Variants in COX7B2 observed in about 807,000 individuals in gnomAD.
The protein encoded by COX7B2 is cytochrome c oxidase subunit 7B2.
For missense variants in COX7B2, 109 were observed against 95.9 expected (o/e 1.14, Z -0.57); for synonymous variants, 37 against 32.1 (o/e 1.15, Z -0.51).
intron 1 of COX7B2, among the ~76,000 whole-genome samples, chr4:46,852,657 C>T (rs1041536666): frequency 1.3e-5 from 2 of 151,852 alleles, no homozygotes; most frequent in African/African-American, 4.8e-5. Context: ...TGTTTGTAAC[C>T]CCAAAATCAA....
intron 2 of COX7B2, among the ~76,000 whole-genome samples, chr4:46,771,746 A>AC (rs909055500): frequency 5.9e-5 from 9 of 151,868 alleles, no homozygotes; most frequent in African/African-American, 2.2e-4. Flanking sequence ...TCAAAATCCA[A>AC]CCCCCCCACA....
At chr4:46,740,419 C>G (rs886303418) in intron 2 of COX7B2, among the ~76,000 whole-genome samples, 3 of 151,840 alleles carry the variant, frequency 2.0e-5, no homozygotes, top group Non-Finnish European at 4.4e-5. Flanking sequence ...ATTAAGCTCC[C>G]AATATAATGA....
chr4:46,811,415 C>T (rs1411965050), intron 2 of COX7B2, among the ~76,000 whole-genome samples: 2 of 151,496 alleles, frequency 1.3e-5, no homozygotes, highest in African/African-American at 2.4e-5. Context: ...TTGATCTTGT[C>T]TGCTGTTAAA....
At chr4:46,772,709 T>G in intron 2 of COX7B2, among the ~76,000 whole-genome samples, 1 of 152,060 alleles carries the variant, frequency 6.6e-6, no homozygotes, top group East Asian at 1.9e-4. Context: ...GATTCTCATC[T>G]TCACAGAAAT....
intron 1 of COX7B2, among the ~76,000 whole-genome samples, chr4:46,901,335 C>G (rs1398171): frequency 0.51 from 77,875 of 152,044 alleles, 20,167 homozygotes; most frequent in East Asian, 0.66. Flanking sequence ...AGATATTTCC[C>G]ATAAATCATC....
chr4:46,829,551 T>A (rs990068644), intron 2 of COX7B2, among the ~76,000 whole-genome samples: 1 of 152,194 alleles, frequency 6.6e-6, no homozygotes, highest in African/African-American at 2.4e-5. Context: ...AAGACACACA[T>A]GTAGCTATAA....
intron 2 of COX7B2, among the ~76,000 whole-genome samples, chr4:46,773,026 T>C (rs1316461336): frequency 1.3e-5 from 2 of 152,198 alleles, no homozygotes. Flanking sequence ...AGGATTTTCA[T>C]AAAATTAGGT....
intron 2 of COX7B2, among the ~76,000 whole-genome samples, chr4:46,820,538 T>C (rs1023486154): frequency 7.9e-5 from 12 of 152,132 alleles, no homozygotes; most frequent in African/African-American, 1.9e-4. Context: ...GGTTAAGATA[T>C]TACAGGAGGC....
At chr4:46,837,875 G>T (rs1715646287) in intron 2 of COX7B2, among the ~76,000 whole-genome samples, 1 of 151,806 alleles carries the variant, frequency 6.6e-6, no homozygotes, top group Non-Finnish European at 1.5e-5. Context: ...ATTAACCATA[G>T]AACAAATTTA....
rs147914543 is a variant in COX7B2 at position 46,834,633 on chromosome 4, C to T, written c.-50+10327G>A. 7.8e-3 allele frequency among the ~76,000 whole-genome samples: 1,188 copies of T among 152,114 alleles called. 18 individuals carry two copies. The highest frequency in any genetic ancestry group is 0.028 in the African/African-American group (1,144 of 41,542). On this transcript the variant is annotated intron_variant, in intron 2 of 2. Coordinates refer to ENST00000355591, the MANE Select transcript of COX7B2 (RefSeq NM_130902.3). ...GAAGCATTTTACTATAATTATTCCC[C>T]GACACTTTCTTCTTCACTTGATTGT... is the stretch of plus-strand genomic sequence containing the variant.
chr4:46,807,264 T>C (rs907670373), intron 2 of COX7B2, among the ~76,000 whole-genome samples: 2 of 151,940 alleles, frequency 1.3e-5, no homozygotes, highest in African/African-American at 4.8e-5. Flanking sequence ...TCCTAATGGT[T>C]AATTATGTTG....
At chr4:46,762,493 T>A (rs948283148) in intron 2 of COX7B2, among the ~76,000 whole-genome samples, 2 of 141,262 alleles carry the variant, frequency 1.4e-5, no homozygotes, top group African/African-American at 2.6e-5. Flanking sequence ...ATATTGTAAA[T>A]ATATAGTATA....
At chr4:46,849,088 T>C (rs555487572) in intron 1 of COX7B2, among the ~76,000 whole-genome samples, 2 of 152,140 alleles carry the variant, frequency 1.3e-5, no homozygotes, top group African/African-American at 4.8e-5. Context: ...TTTAAATCCA[T>C]AGTTATTTGA....
intron 2 of COX7B2, among the ~76,000 whole-genome samples, chr4:46,736,717 C>G (rs1243183213): frequency 6.6e-6 from 1 of 152,086 alleles, no homozygotes; most frequent in South Asian, 2.1e-4. Flanking sequence ...TACAGTATAC[C>G]TGTTCAGACT....
chr4:46,791,924 A>T (rs1006735393), intron 2 of COX7B2, among the ~76,000 whole-genome samples: 3 of 152,174 alleles, frequency 2.0e-5, no homozygotes, highest in Admixed American at 2.0e-4. Context: ...CTTCTTTTTT[A>T]TTTTTGATTC....
At chr4:46,868,381 C>A (rs1394998571) in intron 1 of COX7B2, among the ~76,000 whole-genome samples, 1 of 152,132 alleles carries the variant, frequency 6.6e-6, no homozygotes, top group Non-Finnish European at 1.5e-5. Flanking sequence ...TTCAGTTCAG[C>A]TCCAATTATT....
At chr4:46,822,284 T>G (rs1179048427) in intron 2 of COX7B2, among the ~76,000 whole-genome samples, 1 of 152,096 alleles carries the variant, frequency 6.6e-6, no homozygotes. Flanking sequence ...ACTAAATCAC[T>G]TCCACAAAAC....
rs916614343 is a variant in COX7B2, at chr4:46,881,715, A to AAAT, written c.-105+27442_-105+27444dup. ...CCAGCCTGGGCGATAGATCCATCTC[A>AAAT]AATAATAATAATAATAATAACAGAA... On this transcript the variant is annotated intron_variant, in intron 1 of 2. Coordinates refer to ENST00000355591, the MANE Select transcript of COX7B2 (RefSeq NM_130902.3). Among the ~76,000 whole-genome samples, 274 of 151,970 alleles carry AAAT rather than the reference A, an allele frequency of 1.8e-3. 3 individuals are homozygous for AAAT. The highest frequency in any genetic ancestry group is 6.1e-3 in the African/African-American group (251 of 41,464).
intron 2 of COX7B2, among the ~76,000 whole-genome samples, chr4:46,762,461 G>C (rs1162631343): frequency 8.3e-5 from 11 of 132,232 alleles, no homozygotes; most frequent in African/African-American, 2.2e-4. Flanking sequence ...ACTATATATA[G>C]TATATGTACT....
Sources: allele counts gnomAD v4.1 joint callset (sites outside exome capture counted in the v4.1 genomes callset), GRCh38; gene constraint gnomAD v4.1.1; transcripts MANE v1.5; gene names NCBI Gene and HGNC (gene_info 2026-07-23, HGNC 2026-07-21).